Variants in SETD2 observed in about 807,000 individuals in gnomAD.
The protein encoded by SETD2 is SET domain containing 2, histone lysine methyltransferase.
SETD2 carries 31 observed loss-of-function variants against 242.1 expected under a neutral mutation model. That is an observed-to-expected ratio of 0.13 (90% CI 0.10 to 0.17). SETD2 has a LOEUF of 0.17. Ranked by LOEUF, SETD2 falls within the 10% of genes least tolerant of loss-of-function variation. The pLI is 1.00. For missense variants in SETD2, 2,481 were observed against 3,046.3 expected (o/e 0.81, Z 4.37); for synonymous variants, 1,006 against 1,066.5 (o/e 0.94, Z 1.11).
At chr3:47,019,982 A>G (rs1013204732) in intron 18 of SETD2, 142 bp from the exon 19 acceptor site, 4 of 680,660 alleles carry the variant, frequency 5.9e-6, no homozygotes, top group Admixed American at 5.1e-5. Flanking sequence ...GCCCTGACTC[A>G]GGTACAAGGC....
In SETD2 at chr3:47,086,439, A is replaced by T. The variant is rs987285120; in HGVS notation, c.5278-125T>A. ...AGGGTTCACTTACATTCACAAAAAAAACCTAGAAACTCTGTTTTCATTAGC... is the reference window on the plus strand; with the variant it reads ...AGGGTTCACTTACATTCACAAAAAATACCTAGAAACTCTGTTTTCATTAGC... On this transcript the variant is annotated intron_variant, in intron 10 of 20. Transcript: ENST00000409792. 7 of 839,848 alleles carry T rather than the reference A, an allele frequency of 8.3e-6. No individual in the cohort carries two copies. In the Admixed American group the frequency reaches 2.1e-4, roughly 25 times the overall value. 52.0% of individuals were successfully genotyped at this position (839,848 alleles called of 1,614,324 possible).
At chr3:47,105,734 C>A (rs904659901) in intron 6 of SETD2, 2 of 430,160 alleles carry the variant, frequency 4.6e-6, no homozygotes, top group African/African-American at 4.1e-5. Flanking sequence ...GAAACCCCGT[C>A]TCTACTAAAA....
At position 47,019,795 on chromosome 3, in the gene SETD2, G is replaced by C; in HGVS notation, c.7396C>G (p.Leu2466Val). Reference sequence around the variant, plus strand: ...AATACTTCTTTGCTTTTCTTTGCTAGTTCACTGGAGGTGTCTGCTTCTGCT... The same window carrying C: ...AATACTTCTTTGCTTTTCTTTGCTACTTCACTGGAGGTGTCTGCTTCTGCT... ...KTAEADTSSE[L>V]AKKSKEVFRK... Residue 2466 changes from leucine (L) to valine (V), a missense_variant, in exon 19 of 21, where the codon CTA (leucine) becomes GTA (valine). This residue lies in a region of SETD2 where 40 missense variants were observed against 89.5 expected (regional missense o/e 0.45). Coordinates refer to ENST00000409792, the MANE Select transcript of SETD2 (RefSeq NM_014159.7). 6.2e-7 allele frequency: 1 copy of C among 1,614,004 alleles called. No individual in the cohort carries two copies. The highest frequency in any genetic ancestry group is 8.5e-7 in the Non-Finnish European group (1 of 1,179,908).
At chr3:47,126,150 C>G (rs1360617892) in intron 2 of SETD2, among the ~76,000 whole-genome samples, 1 of 152,214 alleles carries the variant, frequency 6.6e-6, no homozygotes, top group Non-Finnish European at 1.5e-5. Flanking sequence ...CTGCCTCAGT[C>G]TCCTGAGTAG....
intron 16 of SETD2, among the ~76,000 whole-genome samples, chr3:47,046,034 T>C (rs1296185212): frequency 4.0e-5 from 6 of 151,892 alleles, no homozygotes; most frequent in Admixed American, 3.3e-4. Flanking sequence ...ATTTGGTGGC[T>C]ACACAAATTT....
intron 2 of SETD2, among the ~76,000 whole-genome samples, chr3:47,125,117 G>A (rs1423820886): frequency 2.0e-5 from 3 of 151,928 alleles, no homozygotes; most frequent in South Asian, 2.1e-4. Flanking sequence ...TCAGGAGTTC[G>A]AGACCAGCCT....
chr3:47,090,141 G>C (rs1400505690), intron 9 of SETD2, among the ~76,000 whole-genome samples: 1 of 151,974 alleles, frequency 6.6e-6, no homozygotes, highest in Non-Finnish European at 1.5e-5. Context: ...CCAGCTATCG[G>C]GAGGCTGAGG....
intron 1 of SETD2, among the ~76,000 whole-genome samples, chr3:47,162,572 C>G (rs1697522088): frequency 6.6e-6 from 1 of 152,220 alleles, no homozygotes; most frequent in South Asian, 2.1e-4. Context: ...GTGTTGCAAT[C>G]AAAACTATCA....
chr3:47,117,692 C>T (rs888976984), intron 3 of SETD2, among the ~76,000 whole-genome samples: 1 of 152,142 alleles, frequency 6.6e-6, no homozygotes, highest in Non-Finnish European at 1.5e-5. Flanking sequence ...AGTGTAATTA[C>T]AGAATAATCA....
intron 5 of SETD2, among the ~76,000 whole-genome samples, chr3:47,106,905 T>TA (rs1341899019): frequency 6.6e-6 from 1 of 152,172 alleles, no homozygotes; most frequent in Non-Finnish European, 1.5e-5. Context: ...CTAAAAATGT[T>TA]AAAGATCAAA....
At position 47,121,010 on chromosome 3, in the gene SETD2, A is replaced by C; in HGVS notation, c.3626T>G (p.Phe1209Cys). The C allele has an allele frequency of 2.5e-6, 4 of 1,614,204 alleles. No homozygotes were observed. Among genetic ancestry groups the C allele is most frequent in the Admixed American group, 1.7e-5 (1 of 60,024 alleles). ...CCAAGACTTATTTGGGACATCTTCA[A>C]AATCAGAAGAATAAATTGGCAGCTC... ...QEELPIYSSD[F>C]EDVPNKSWQQ... Residue 1209 changes from phenylalanine to cysteine, a missense_variant, in exon 3 of 21, where the codon TTT becomes TGT. Phe to Cys is a radical substitution (Grantham distance 205). Around this residue, in one of 17 missense-constraint regions of SETD2, gnomAD observed 1,300 missense variants for 1,259.2 expected, o/e 1.03. Transcript: ENST00000409792.
intron 5 of SETD2, among the ~76,000 whole-genome samples, chr3:47,113,106 CTTTTT>C (rs67797383): frequency 6.1e-5 from 9 of 148,208 alleles, no homozygotes; most frequent in Non-Finnish European, 1.3e-4. Flanking sequence ...CTCTTCTACT[CTTTTT>C]TTTTTTCTTT....
At chr3:47,083,156 T>C (rs2041389059) in intron 12 of SETD2, among the ~76,000 whole-genome samples, 1 of 152,198 alleles carries the variant, frequency 6.6e-6, no homozygotes, top group Non-Finnish European at 1.5e-5. Flanking sequence ...ATGTATGTAA[T>C]AGGCATAAGA....
At chr3:47,108,188 A>G (rs1261493594) in intron 5 of SETD2, among the ~76,000 whole-genome samples, 1 of 152,138 alleles carries the variant, frequency 6.6e-6, no homozygotes, top group African/African-American at 2.4e-5. Flanking sequence ...AAGAAAAATG[A>G]CATCATGGAC....
chr3:47,045,696 A>AG (rs2039493274), intron 16 of SETD2, among the ~76,000 whole-genome samples: 1 of 150,320 alleles, frequency 6.7e-6, no homozygotes, highest in African/African-American at 2.4e-5. Context: ...AAAAAAAAAA[A>AG]AAAATTATTA....
intron 1 of SETD2, among the ~76,000 whole-genome samples, chr3:47,145,766 A>T (rs1327291909): frequency 6.6e-6 from 1 of 152,036 alleles, no homozygotes; most frequent in Non-Finnish European, 1.5e-5. Flanking sequence ...CTGTAGTCTC[A>T]GCACTTTGGG....
At chr3:47,136,281 TCC>T (rs2043588060) in intron 1 of SETD2, among the ~76,000 whole-genome samples, 1 of 152,136 alleles carries the variant, frequency 6.6e-6, no homozygotes, top group African/African-American at 2.4e-5. Flanking sequence ...CCATAGTCCC[TCC>T]TCCTCATTCT....
chr3:47,127,970 G>T (rs2043382894), intron 1 of SETD2, among the ~76,000 whole-genome samples: 1 of 149,592 alleles, frequency 6.7e-6, no homozygotes, highest in Non-Finnish European at 1.5e-5. Context: ...CTGAGCAACT[G>T]AGTGAAAACC....
rs531140509 is a variant in SETD2, at chr3:47,163,991, G to A, written c.-67C>T. 176 of 1,244,164 alleles carry A rather than the reference G, an allele frequency of 1.4e-4. 2 individuals carry two copies. The African/African-American group carries it at 2.5e-3, about 17-fold the overall frequency. 77.1% of individuals were successfully genotyped at this position (1,244,164 alleles called of 1,614,324 possible). A position where few individuals can be genotyped will look rare whatever the true frequency, so the allele number is the denominator to read the frequency against. On this transcript the variant is annotated 5_prime_UTR_variant, in exon 1 of 21. Coordinates refer to ENST00000409792, the MANE Select transcript of SETD2 (RefSeq NM_014159.7). The stretch of plus-strand genomic sequence containing the variant: ...GCAGGGCGACGCGGGGGAGGGGAGG[G>A]GAGGAGGCCGCAGGTCCGACCGCGG...
Sources: allele counts gnomAD v4.1 joint callset (sites outside exome capture counted in the v4.1 genomes callset), GRCh38; gene constraint gnomAD v4.1.1; regional missense constraint gnomAD v4.1.1; transcripts MANE v1.5; gene names NCBI Gene and HGNC (gene_info 2026-07-23, HGNC 2026-07-21).